The following TMPRSS7 variants were observed in gnomAD, a reference collection of about 807,000 sequenced individuals.
The protein encoded by TMPRSS7 is transmembrane serine protease 7, also known as transmembrane protease serine 7.
TMPRSS7 carries 81 observed loss-of-function variants against 95.6 expected under a neutral mutation model. The ratio of observed to expected loss-of-function variants is 0.85; its 90% confidence interval spans 0.71 to 1.02. TMPRSS7 has a LOEUF of 1.02. TMPRSS7 is among the 50% of genes least tolerant of loss of function. The probability of loss-of-function intolerance (pLI) is 0.00; values close to 1 mark genes in which losing one functional copy is unlikely to be tolerated. For synonymous variants in TMPRSS7, 364 were observed against 337.8 expected, an observed-to-expected ratio of 1.08 and a Z score of -0.85; for missense variants, 945 against 955.2, an observed-to-expected ratio of 0.99 and a Z score of 0.14.
At chr3:112,071,715 C>G (rs1289693704) in intron 13 of TMPRSS7, among the ~76,000 whole-genome samples, 1 of 152,156 alleles carries the variant, frequency 6.6e-6, no homozygotes, top group Non-Finnish European at 1.5e-5. Context: ...GTCACTGATA[C>G]CCTTTCTTCC....
intron 12 of TMPRSS7, among the ~76,000 whole-genome samples, chr3:112,064,241 G>C (rs960100227): frequency 6.6e-6 from 1 of 152,232 alleles, no homozygotes; most frequent in Non-Finnish European, 1.5e-5. Context: ...TCCATCTAGA[G>C]AGAAGCTCAG....
intron 4 of TMPRSS7, 149 bp downstream of exon 4, chr3:112,044,471 C>A: frequency 1.5e-6 from 1 of 675,012 alleles, no homozygotes; most frequent in South Asian, 1.8e-5. Flanking sequence ...AGCGACTCAA[C>A]TCACTGCCCT....
intron 9 of TMPRSS7, among the ~76,000 whole-genome samples, chr3:112,052,136 G>A (rs776610556): frequency 7.2e-5 from 11 of 152,122 alleles, no homozygotes; most frequent in Non-Finnish European, 1.5e-4. Flanking sequence ...AATAAAGCAG[G>A]GAAGGGGGCT....
rs1179018966 is a variant in TMPRSS7 at position 112,044,339 on chromosome 3, G to T, written c.497+17G>T. The T allele has an allele frequency of 1.3e-6, 2 of 1,546,422 alleles. No homozygotes were observed. Among genetic ancestry groups the T allele is most frequent in the Admixed American group, 2.0e-5 (1 of 50,998 alleles). ...AGATGTCAGGTAATGCATGTCCCTT[G>T]TTTTGAGATTTCTGTGTTCATTGTT... On this transcript the variant is annotated intron_variant, in intron 4 of 17. Transcript: ENST00000452346.
intron 3 of TMPRSS7, among the ~76,000 whole-genome samples, chr3:112,043,883 A>T (rs2107738124): frequency 6.6e-6 from 1 of 152,352 alleles, no homozygotes; most frequent in East Asian, 1.9e-4. Flanking sequence ...TGGTGCACTG[A>T]TAGAAAAGAC....
At chr3:112,080,857 T>C in intron 17 of TMPRSS7, 57 bp from the exon 18 acceptor site, 1 of 1,526,936 alleles carries the variant, frequency 6.5e-7, no homozygotes, top group South Asian at 1.3e-5. Flanking sequence ...ACAATAAAGA[T>C]GAAACTGATG....
At chr3:112,062,048 C>T (rs1357043263) in intron 11 of TMPRSS7, 125 bp downstream of exon 11, 2 of 480,580 alleles carry the variant, frequency 4.2e-6, no homozygotes, top group Non-Finnish European at 3.2e-6. Context: ...CTTTTACATA[C>T]TTATTTCTAT....
chr3:112,078,078 A>G (rs1213397992), intron 16 of TMPRSS7, among the ~76,000 whole-genome samples: 1 of 152,144 alleles, frequency 6.6e-6, no homozygotes, highest in East Asian at 1.9e-4. Flanking sequence ...AAGTAGTAAT[A>G]CCACCAGCTT....
At chr3:112,052,544 C>T (rs1347165265) in intron 9 of TMPRSS7, among the ~76,000 whole-genome samples, 1 of 152,052 alleles carries the variant, frequency 6.6e-6, no homozygotes, top group Admixed American at 6.6e-5. Context: ...TTGCTCACTG[C>T]CAGGTTCTCA....
intron 3 of TMPRSS7, chr3:112,042,965 C>A: frequency 2.2e-6 from 1 of 454,908 alleles, no homozygotes; most frequent in East Asian, 7.0e-5. Flanking sequence ...GACACAATGA[C>A]TGGCTGTGTA....
rs1309533215 is a variant in TMPRSS7, at chr3:112,063,635, G to A, written c.1555+3G>A. On this transcript the variant is annotated splice_donor_region_variant and intron_variant, in intron 12 of 17. Transcript: ENST00000452346. The stretch of plus-strand genomic sequence containing the variant: ...TGAAAGTGATGAACTGTTTTGCGGT[G>A]GGTATTCAAGATTTTAATATGACTT... 2 of 1,610,964 alleles carry A rather than the reference G, an allele frequency of 1.2e-6. No individual in the cohort carries two copies. Among genetic ancestry groups the A allele is most frequent in the Non-Finnish European group, 1.7e-6 (2 of 1,177,348 alleles).
At chr3:112,056,494 T>G (rs927719921) in intron 9 of TMPRSS7, among the ~76,000 whole-genome samples, 3 of 152,076 alleles carry the variant, frequency 2.0e-5, no homozygotes, top group Non-Finnish European at 2.9e-5. Flanking sequence ...GTGTGGTGCA[T>G]GCACACACAC....
At chr3:112,051,451 T>C (rs574136484) in intron 9 of TMPRSS7, among the ~76,000 whole-genome samples, 4 of 152,208 alleles carry the variant, frequency 2.6e-5, no homozygotes, top group African/African-American at 9.6e-5. Flanking sequence ...CCTCCACAGA[T>C]ACTAAGGGAC....
At chr3:112,042,101 G>A in intron 3 of TMPRSS7, 51 bp downstream of exon 3, 1 of 1,477,052 alleles carries the variant, frequency 6.8e-7, no homozygotes, top group Non-Finnish European at 9.3e-7. Context: ...TTGCGGGGAG[G>A]TGGGGGATGA....
intron 3 of TMPRSS7, 51 bp from the exon 4 acceptor site, chr3:112,044,204 A>G: frequency 7.5e-7 from 1 of 1,333,166 alleles, no homozygotes; most frequent in Non-Finnish European, 1.1e-6. Context: ...AGATACTGTA[A>G]AAGGAAGTCA....
intron 9 of TMPRSS7, among the ~76,000 whole-genome samples, chr3:112,051,668 C>CTATCTATCATCTATCTATCT (rs61097993): frequency 1.6e-5 from 2 of 127,998 alleles, no homozygotes; most frequent in Non-Finnish European, 3.3e-5. Context: ...ATCTATCTAT[C>CTATCTATCATCTATCTATCT]ATCTATCTAT....
chr3:112,063,443 C>A, intron 11 of TMPRSS7, 82 bp from the exon 12 acceptor site: 1 of 1,042,428 alleles, frequency 9.6e-7, no homozygotes, highest in Non-Finnish European at 1.5e-6. Context: ...AACCACTTCA[C>A]ACTTTAAATT....
intron 13 of TMPRSS7, among the ~76,000 whole-genome samples, chr3:112,071,098 C>T (rs1013173868): frequency 2.6e-5 from 4 of 152,166 alleles, no homozygotes; most frequent in African/African-American, 9.7e-5. Context: ...TGTCCCTTTC[C>T]ATGTTTAGTG....
At chr3:112,053,927 G>A (rs1350609157) in intron 9 of TMPRSS7, among the ~76,000 whole-genome samples, 2 of 152,096 alleles carry the variant, frequency 1.3e-5, no homozygotes, top group Non-Finnish European at 2.9e-5. Flanking sequence ...CTTAGAAAAG[G>A]AATATGCAGC....
Sources: gnomAD v4.1 joint callset for allele counts (sites outside exome capture counted in the v4.1 genomes callset) on GRCh38, gnomAD v4.1.1 for gene constraint, MANE v1.5 for transcripts, NCBI Gene and HGNC (gene_info 2026-07-23, HGNC 2026-07-21) for gene names.